GPC6: variants seen among roughly 807,000 people sequenced by gnomAD.
GPC6 encodes the protein glypican 6, also known as glypican-6.
A neutral mutation model predicts 55.2 loss-of-function variants in GPC6; 14 were observed. The observed-to-expected ratio is 0.25, with a 90% confidence interval of 0.17 to 0.40. GPC6 has a LOEUF of 0.40. Among genes scored for constraint, GPC6 ranks in the 10% least tolerant of loss-of-function variants. GPC6 has a pLI of 1.00. For synonymous variants in GPC6, 278 were observed against 259.6 expected (o/e 1.07, Z -0.68); for missense variants, 641 against 708.5 (o/e 0.90, Z 1.08).
At chr13:94,061,685 G>A (rs1047458730) in intron 4 of GPC6, among the ~76,000 whole-genome samples, 1 of 151,494 alleles carries the variant, frequency 6.6e-6, no homozygotes, top group African/African-American at 2.4e-5. Flanking sequence ...AAATCTTTCA[G>A]ATATGCCCTG....
At position 94,060,816 on chromosome 13, in the gene GPC6, T is replaced by C. The variant is rs1884296296; in HGVS notation, c.877+32922T>C. On this transcript the variant is annotated intron_variant, in intron 4 of 8. Coordinates refer to ENST00000377047, the MANE Select transcript of GPC6 (RefSeq NM_005708.5). ...TCTTCCTGGGAGTGCATTAATACCA[T>C]ACAAACTTTTTTAATTTGCCAAACC... 2.6e-5 allele frequency among the ~76,000 whole-genome samples: 4 copies of C among 152,190 alleles called. No homozygotes were observed. The South Asian group carries it at 6.2e-4, about 24-fold the overall frequency.
chr13:94,072,016 C>T (rs1313170795), intron 4 of GPC6, among the ~76,000 whole-genome samples: 5 of 152,132 alleles, frequency 3.3e-5, no homozygotes, highest in Admixed American at 6.5e-5. Flanking sequence ...TCTTTTCCTA[C>T]CATTTATTTC....
chr13:93,487,388 G>A (rs554345518), intron 1 of GPC6, among the ~76,000 whole-genome samples: 2 of 152,160 alleles, frequency 1.3e-5, no homozygotes, highest in East Asian at 3.9e-4. Context: ...CCCTCAGACA[G>A]GCCCCAATGT....
chr13:93,929,392 G>T (rs74109133), intron 3 of GPC6, among the ~76,000 whole-genome samples: 2,469 of 152,212 alleles, frequency 0.016, 72 homozygotes, highest in East Asian at 0.12. Flanking sequence ...ACATTTATTT[G>T]AGAATGTTAA....
At chr13:93,547,721 T>TG (rs1222584731) in intron 2 of GPC6, among the ~76,000 whole-genome samples, 1 of 149,878 alleles carries the variant, frequency 6.7e-6, no homozygotes, top group Non-Finnish European at 1.5e-5. Context: ...TCAGCCAGAG[T>TG]GGGAAAAAAA....
intron 2 of GPC6, among the ~76,000 whole-genome samples, chr13:93,770,086 G>A (rs1486422894): frequency 6.6e-6 from 1 of 152,074 alleles, no homozygotes. Context: ...GAAGATGAGG[G>A]CCAAAATAGT....
rs113672765 is a variant in GPC6 at position 94,272,923 on chromosome 13, A to G, written c.878-13426A>G. Among the ~76,000 whole-genome samples, 279 of 151,916 alleles carry G rather than the reference A, an allele frequency of 1.8e-3. 1 individual carries two copies. The highest frequency in any genetic ancestry group is 5.4e-3 in the African/African-American group (222 of 41,486). On this transcript the variant is annotated intron_variant, in intron 4 of 8. Coordinates refer to ENST00000377047, the MANE Select transcript of GPC6 (RefSeq NM_005708.5). ...ATCACCAGGCTCCTCGTGTCCCTGGAACTCAGTGACCTTCTTCACACATGA... is the reference window on the plus strand; with the variant it reads ...ATCACCAGGCTCCTCGTGTCCCTGGGACTCAGTGACCTTCTTCACACATGA...
intron 1 of GPC6, among the ~76,000 whole-genome samples, chr13:93,325,998 G>C (rs189941188): frequency 6.6e-6 from 1 of 152,096 alleles, no homozygotes; most frequent in Non-Finnish European, 1.5e-5. Flanking sequence ...TAACATAGTC[G>C]TGGTTTGTAC....
At chr13:94,329,674 A>G (rs1877308498) in intron 6 of GPC6, among the ~76,000 whole-genome samples, 1 of 152,206 alleles carries the variant, frequency 6.6e-6, no homozygotes, top group Non-Finnish European at 1.5e-5. Flanking sequence ...CATTCACAAC[A>G]TGGGATTGAA....
intron 1 of GPC6, among the ~76,000 whole-genome samples, chr13:93,374,582 T>C (rs982207619): frequency 6.6e-6 from 1 of 152,234 alleles, no homozygotes. Context: ...ATACTACTAC[T>C]GTGGCCTTTG....
At chr13:94,195,220 C>T (rs899161621) in intron 4 of GPC6, among the ~76,000 whole-genome samples, 1 of 152,170 alleles carries the variant, frequency 6.6e-6, no homozygotes, top group African/African-American at 2.4e-5. Context: ...TCCTTTGCTT[C>T]CTTCCCTGTT....
intron 3 of GPC6, among the ~76,000 whole-genome samples, chr13:93,891,618 CTT>C: frequency 6.6e-6 from 1 of 152,246 alleles, no homozygotes; most frequent in East Asian, 1.9e-4. Context: ...AACATATACA[CTT>C]TGTTCATTAA....
chr13:94,315,860 C>A (rs1782406091), intron 6 of GPC6, among the ~76,000 whole-genome samples: 1 of 152,180 alleles, frequency 6.6e-6, no homozygotes, highest in Non-Finnish European at 1.5e-5. Context: ...ACTTGTCCAA[C>A]CCACAGCCCA....
chr13:93,651,388 T>C (rs369921649), intron 2 of GPC6, among the ~76,000 whole-genome samples: 52 of 152,290 alleles, frequency 3.4e-4, no homozygotes, highest in African/African-American at 1.2e-3. Context: ...AGAAGCTGTT[T>C]GAAGAAACAG....
At chr13:93,833,008 A>G (rs3858844) in intron 3 of GPC6, among the ~76,000 whole-genome samples, 35,603 of 151,588 alleles carry the variant, frequency 0.23, 4,708 homozygotes, top group East Asian at 0.34. Context: ...AGTTAAAATT[A>G]TAAGCCCCAT....
intron 1 of GPC6, among the ~76,000 whole-genome samples, chr13:93,297,457 T>TA (rs944075706): frequency 9.2e-5 from 14 of 152,160 alleles, no homozygotes; most frequent in Middle Eastern, 3.4e-3. Context: ...ATTTAATTCT[T>TA]AAAAATGCAA....
intron 3 of GPC6, among the ~76,000 whole-genome samples, chr13:93,985,538 C>T (rs116834187): frequency 0.011 from 1,670 of 151,160 alleles, 26 homozygotes; most frequent in Middle Eastern, 0.041. Flanking sequence ...AACCAAAAAA[C>T]TAAAAAAAGG....
At chr13:93,829,164 G>A (rs917488837) in intron 2 of GPC6, among the ~76,000 whole-genome samples, 2 of 152,154 alleles carry the variant, frequency 1.3e-5, no homozygotes, top group Non-Finnish European at 2.9e-5. Flanking sequence ...GATAACCTCA[G>A]AAGCATTATC....
rs116821588 is a variant in GPC6, at chr13:93,868,179, C to T, written c.711+37634C>T. On this transcript the variant is annotated intron_variant, in intron 3 of 8. Coordinates refer to ENST00000377047, the MANE Select transcript of GPC6 (RefSeq NM_005708.5). ...CCACAATGCTTCTTCCCATGGTGCCCGCTTGTCATATTCATAAACATGGAC... is the reference window on the plus strand; with the variant it reads ...CCACAATGCTTCTTCCCATGGTGCCTGCTTGTCATATTCATAAACATGGAC... 4.6e-3 allele frequency among the ~76,000 whole-genome samples: 704 copies of T among 151,714 alleles called. 7 individuals are homozygous for T. Among genetic ancestry groups the T allele is most frequent in the African/African-American group, 0.016 (675 of 41,444 alleles).
Sources: gnomAD v4.1 joint callset for allele counts (sites outside exome capture counted in the v4.1 genomes callset) on GRCh38, gnomAD v4.1.1 for gene constraint, MANE v1.5 for transcripts, NCBI Gene and HGNC (gene_info 2026-07-23, HGNC 2026-07-21) for gene names.